The following MEI4 variants were observed in gnomAD, a reference collection of about 807,000 sequenced individuals.
MEI4 encodes the protein meiosis-specific protein MEI4.
In MEI4, 27 loss-of-function variants were observed where a neutral mutation model predicts 31.4. That is an observed-to-expected ratio of 0.86 (90% CI 0.63 to 1.19). The LOEUF (loss-of-function observed/expected upper bound fraction) is 1.19, where lower values mean the gene tolerates loss of function less well. MEI4 is among the 50% of genes most tolerant of loss of function. The pLI is 0.00. For missense variants in MEI4, 329 were observed against 398.9 expected (o/e 0.82, Z 1.49); for synonymous variants, 122 against 145.4 (o/e 0.84, Z 1.16).
chr6:77,775,104 G>A (rs753894747), intron 3 of MEI4, among the ~76,000 whole-genome samples: 13 of 151,878 alleles, frequency 8.6e-5, no homozygotes, highest in African/African-American at 1.5e-4. Context: ...TATTTGCGAC[G>A]GCATTTAGGG....
intron 1 of MEI4, among the ~76,000 whole-genome samples, chr6:77,690,273 T>C (rs1032325614): frequency 6.6e-6 from 1 of 151,962 alleles, no homozygotes; most frequent in African/African-American, 2.4e-5. Flanking sequence ...TTTCAAAATA[T>C]AAAAGCCTCA....
At chr6:77,838,969 G>T (rs1770290707) in intron 4 of MEI4, among the ~76,000 whole-genome samples, 1 of 151,662 alleles carries the variant, frequency 6.6e-6, no homozygotes, top group Admixed American at 6.6e-5. Flanking sequence ...AATTGTTAAA[G>T]AAGTCAAAAT....
chr6:77,870,004 A>T (rs1771152951), intron 4 of MEI4, among the ~76,000 whole-genome samples: 1 of 152,068 alleles, frequency 6.6e-6, no homozygotes, highest in Admixed American at 6.6e-5. Context: ...CTGGACACAG[A>T]CATGTCACTG....
chr6:77,800,058 G>A (rs1048775026), intron 3 of MEI4, among the ~76,000 whole-genome samples: 3 of 152,160 alleles, frequency 2.0e-5, no homozygotes, highest in Middle Eastern at 3.4e-3. Context: ...TGATGGGGAT[G>A]GCATTGAATC....
intron 2 of MEI4, among the ~76,000 whole-genome samples, chr6:77,753,726 T>C (rs1252183054): frequency 6.6e-6 from 1 of 152,168 alleles, no homozygotes; most frequent in Non-Finnish European, 1.5e-5. Context: ...AGAAATACCA[T>C]TTGACCCAGA....
intron 1 of MEI4, among the ~76,000 whole-genome samples, chr6:77,660,348 G>T (rs994326825): frequency 2.0e-5 from 3 of 152,044 alleles, no homozygotes; most frequent in Non-Finnish European, 2.9e-5. Context: ...AATATTGGAG[G>T]GTGCCTTGCT....
chr6:77,922,932 T>G (rs1179196878), intron 4 of MEI4, among the ~76,000 whole-genome samples, 157 bp from the exon 5 acceptor site: 1 of 151,666 alleles, frequency 6.6e-6, no homozygotes, highest in Non-Finnish European at 1.5e-5. Context: ...AAAGGAAATG[T>G]TTTTTATTTC....
intron 3 of MEI4, among the ~76,000 whole-genome samples, chr6:77,803,882 A>G (rs917926715): frequency 3.3e-5 from 5 of 152,014 alleles, no homozygotes; most frequent in African/African-American, 1.2e-4. Context: ...GTCTGCCCCT[A>G]CTGGGGGTTG....
At chr6:77,883,743 T>TATATATATATATATATATATATAA in intron 4 of MEI4, among the ~76,000 whole-genome samples, 1 of 131,718 alleles carries the variant, frequency 7.6e-6, no homozygotes, top group South Asian at 2.3e-4. Flanking sequence ...TATATATATA[T>TATATATATATATATATATATATAA]AACTTTGTCT....
chr6:77,922,688 A>G (rs1461385527), intron 4 of MEI4, among the ~76,000 whole-genome samples: 1 of 151,732 alleles, frequency 6.6e-6, no homozygotes, highest in East Asian at 1.9e-4. Flanking sequence ...TAGATGATGA[A>G]CCTACTACTC....
chr6:77,884,908 A>G (rs1464293802), intron 4 of MEI4, among the ~76,000 whole-genome samples: 2 of 151,946 alleles, frequency 1.3e-5, no homozygotes, highest in African/African-American at 4.8e-5. Flanking sequence ...TGGTATTTTT[A>G]TAGTTGTTGC....
chr6:77,907,141 T>A (rs1054300030), intron 4 of MEI4, among the ~76,000 whole-genome samples: 2 of 151,916 alleles, frequency 1.3e-5, no homozygotes, highest in African/African-American at 2.4e-5. Flanking sequence ...TTACTAGCCA[T>A]TTTTTTTAAA....
intron 1 of MEI4, among the ~76,000 whole-genome samples, chr6:77,688,801 G>C (rs906949162): frequency 6.6e-6 from 1 of 152,050 alleles, no homozygotes; most frequent in African/African-American, 2.4e-5. Flanking sequence ...TTGAAGGAGG[G>C]TCTCAAAAAC....
At position 77,847,486 on chromosome 6, in the gene MEI4, C is replaced by G. The variant is rs1343327367; in HGVS notation, c.900+18424C>G. ...GAAGTCAGCAGAGTCATTTCAGTGTCATGAGAAAATATCAAATGCATTTCA... is the reference window on the plus strand; with the variant it reads ...GAAGTCAGCAGAGTCATTTCAGTGTGATGAGAAAATATCAAATGCATTTCA... On this transcript the variant is annotated intron_variant, in intron 4 of 4. Transcript: ENST00000684080. The surrounding 1 kb of genome is among the most constrained non-coding windows in gnomAD (Gnocchi z 4.6). Among the ~76,000 whole-genome samples the G allele has an allele frequency of 2.0e-5, 3 of 152,134 alleles. No homozygotes were observed. Among genetic ancestry groups the G allele is most frequent in the Non-Finnish European group, 4.4e-5 (3 of 68,034 alleles).
intron 4 of MEI4, among the ~76,000 whole-genome samples, chr6:77,841,334 T>TATATATATATATATATATATA (rs1554168570): frequency 6.1e-5 from 2 of 32,770 alleles, no homozygotes; most frequent in African/African-American, 4.6e-4. Flanking sequence ...TATATATATA[T>TATATATATATATATATATATA]TTTTTTTTTT....
intron 4 of MEI4, among the ~76,000 whole-genome samples, chr6:77,846,844 T>C (rs981523013): frequency 1.3e-5 from 2 of 152,196 alleles, no homozygotes; most frequent in African/African-American, 4.8e-5. Flanking sequence ...TTGTTACATC[T>C]TGCAGTATAC....
rs1342098203 is a variant in MEI4, at chr6:77,924,186, AATGAGC to A, written c.*843_*848del. ...TGATTAAAATCATAACCGCAAACTT[AATGAGC>A]ATATGTTACATTTCCTATAGTGCCA... On this transcript the variant is annotated 3_prime_UTR_variant, in exon 5 of 5. Coordinates refer to ENST00000684080, the MANE Select transcript of MEI4 (RefSeq NM_001322247.2). The A allele has an allele frequency of 6.6e-6, 1 of 151,862 alleles. No individual in the cohort carries two copies. Among genetic ancestry groups the A allele is most frequent in the African/African-American group, 2.4e-5 (1 of 41,410 alleles). The allele number at this position is 151,862 out of a possible 1,614,324, so 9.4% of individuals were successfully genotyped here.
chr6:77,769,402 T>C (rs1251518418), intron 3 of MEI4, among the ~76,000 whole-genome samples: 2 of 152,114 alleles, frequency 1.3e-5, no homozygotes, highest in Non-Finnish European at 2.9e-5. Context: ...TCTGGGGTTC[T>C]AAATAAACAT....
intron 4 of MEI4, among the ~76,000 whole-genome samples, chr6:77,836,635 A>C (rs951061978): frequency 6.6e-6 from 1 of 152,134 alleles, no homozygotes; most frequent in African/African-American, 2.4e-5. Flanking sequence ...TTTCTATATC[A>C]AGGCAAAATA....
Sources: gnomAD v4.1 joint callset for allele counts (sites outside exome capture counted in the v4.1 genomes callset) on GRCh38, gnomAD v4.1.1 for gene constraint, Gnocchi (gnomAD v3.1) non-coding constraint, MANE v1.5 for transcripts, NCBI Gene and HGNC (gene_info 2026-07-23, HGNC 2026-07-21) for gene names.